Variants in RINT1 observed in about 807,000 individuals in gnomAD.
The protein encoded by RINT1 is RAD50-interacting protein 1.
A neutral mutation model predicts 97.7 loss-of-function variants in RINT1; 75 were observed. That is an observed-to-expected ratio of 0.77 (90% CI 0.64 to 0.93). RINT1 has a LOEUF of 0.93. RINT1 is among the 40% of genes least tolerant of loss of function. RINT1 has a pLI of 0.00. For missense variants in RINT1, 892 were observed against 925.2 expected (o/e 0.96, Z 0.47); for synonymous variants, 303 against 326.3 (o/e 0.93, Z 0.77).
At chr7:105,551,478 A>G in intron 9 of RINT1, 92 bp from the exon 10 acceptor site, 1 of 1,128,408 alleles carries the variant, frequency 8.9e-7, no homozygotes, top group South Asian at 1.8e-5. Context: ...TCTTTTTTAT[A>G]GAAAAGCCAT....
chr7:105,564,403 A>G (rs1361457491), intron 12 of RINT1, among the ~76,000 whole-genome samples: 1 of 152,150 alleles, frequency 6.6e-6, no homozygotes, highest in African/African-American at 2.4e-5. Flanking sequence ...CTTAATCAGA[A>G]TAAACTGATT....
chr7:105,560,582 C>T (rs1299420500), intron 11 of RINT1, among the ~76,000 whole-genome samples: 1 of 152,068 alleles, frequency 6.6e-6, no homozygotes, highest in Non-Finnish European at 1.5e-5. Flanking sequence ...ATGGTTTGTT[C>T]GTTATCCATG....
chr7:105,540,734 A>G (rs997294797), intron 3 of RINT1, among the ~76,000 whole-genome samples: 3 of 151,362 alleles, frequency 2.0e-5, no homozygotes, highest in Admixed American at 1.3e-4. Flanking sequence ...CCTGGATATC[A>G]TCTCATCAAG....
intron 10 of RINT1, among the ~76,000 whole-genome samples, chr7:105,553,900 T>TA (rs1791053776): frequency 1.7e-5 from 2 of 114,336 alleles, no homozygotes; most frequent in Admixed American, 8.4e-5. Context: ...TTTTTTTTTT[T>TA]TTTTTTTTTT....
At chr7:105,550,912 G>A (rs535826875) in intron 9 of RINT1, among the ~76,000 whole-genome samples, 100 of 152,182 alleles carry the variant, frequency 6.6e-4, no homozygotes, top group African/African-American at 2.4e-3. Context: ...GCACTACCAC[G>A]CCTGGCTAAT....
chr7:105,562,889 C>T (rs1041255440), intron 11 of RINT1, among the ~76,000 whole-genome samples: 5 of 151,866 alleles, frequency 3.3e-5, no homozygotes, highest in African/African-American at 7.3e-5. Flanking sequence ...GGTGACAGAG[C>T]GAGATTCCGT....
intron 3 of RINT1, among the ~76,000 whole-genome samples, chr7:105,537,786 A>T (rs1790306240): frequency 6.6e-6 from 1 of 151,806 alleles, no homozygotes; most frequent in Non-Finnish European, 1.5e-5. Flanking sequence ...CTGTGAGCTG[A>T]GATCATGCCA....
At chr7:105,562,577 C>T (rs549670122) in intron 11 of RINT1, among the ~76,000 whole-genome samples, 4 of 152,214 alleles carry the variant, frequency 2.6e-5, no homozygotes, top group Admixed American at 1.3e-4. Flanking sequence ...TCAGTACATA[C>T]CAAGAGAAAT....
chr7:105,567,615 G>A lies in RINT1; in HGVS notation c.*304G>A. On this transcript the variant is annotated 3_prime_UTR_variant, in exon 15 of 15. Coordinates refer to ENST00000257700, the MANE Select transcript of RINT1 (RefSeq NM_021930.6). Reference sequence around the variant, plus strand: ...TTATAACCAACTTTCAATTTCCTGTGCTAATTAAGGGAAATTCTGTTGTGG... The same window carrying A: ...TTATAACCAACTTTCAATTTCCTGTACTAATTAAGGGAAATTCTGTTGTGG... 1.8e-6 allele frequency: 1 copy of A among 556,710 alleles called. No homozygotes were observed. The highest frequency in any genetic ancestry group is 1.9e-5 in the African/African-American group (1 of 52,680). The allele number at this position is 556,710 out of a possible 1,614,324, so 34.5% of individuals were successfully genotyped here. A position where few individuals can be genotyped will look rare whatever the true frequency, so the allele number is the denominator to read the frequency against.
rs775704898 is a variant in RINT1, at chr7:105,555,149, C to T, written c.1593C>T (p.Ser531=). 1.2e-6 allele frequency: 2 copies of T among 1,613,890 alleles called. No homozygotes were observed. The highest frequency in any genetic ancestry group is 2.2e-5 in the East Asian group (1 of 44,860). ...TQVMKEETRA[S]LGFRYCAILN... ...TGATGAAAGAAGAGACTAGAGCTTC[C>T]CTTGGCTTTCGATACTGTGCAATTC... is the stretch of plus-strand genomic sequence containing the variant. The change falls in exon 11 of 15, where the codon TCC becomes TCT. Residue 531 remains serine, a synonymous_variant. Transcript: ENST00000257700.
chr7:105,552,446 A>G (rs1455221779), intron 10 of RINT1, among the ~76,000 whole-genome samples: 1 of 152,030 alleles, frequency 6.6e-6, no homozygotes, highest in Non-Finnish European at 1.5e-5. Flanking sequence ...CAGTGCAGGG[A>G]TTCTCTGGCT....
intron 2 of RINT1, among the ~76,000 whole-genome samples, chr7:105,535,277 T>G (rs1358362829): frequency 1.3e-5 from 2 of 149,924 alleles, no homozygotes; most frequent in Non-Finnish European, 3.0e-5. Context: ...TTGCCCAGGC[T>G]GGAGTGCAGT....
intron 3 of RINT1, among the ~76,000 whole-genome samples, chr7:105,537,477 A>T (rs147599199): frequency 6.6e-6 from 1 of 152,190 alleles, no homozygotes; most frequent in Non-Finnish European, 1.5e-5. Context: ...GTATAAAGTG[A>T]AAAGAAGTAT....
chr7:105,565,134 G>C (rs986037550), intron 12 of RINT1, 143 bp from the exon 13 acceptor site: 1 of 575,120 alleles, frequency 1.7e-6, no homozygotes, highest in Non-Finnish European at 2.9e-6. Flanking sequence ...TTTATTTTCT[G>C]ATAGAGCTTT....
chr7:105,551,164 G>C (rs1381481331), intron 9 of RINT1, among the ~76,000 whole-genome samples: 1 of 152,100 alleles, frequency 6.6e-6, no homozygotes, highest in Non-Finnish European at 1.5e-5. Context: ...CAGTAGCTGG[G>C]AGTATAGGTA....
chr7:105,546,461 TAAAAA>T (rs1790669790), intron 4 of RINT1, among the ~76,000 whole-genome samples: 1 of 152,130 alleles, frequency 6.6e-6, no homozygotes, highest in Admixed American at 6.6e-5. Context: ...GGTGCTTTGT[TAAAAA>T]ACAAAGGCTA....
chr7:105,534,232 C>A (rs141402049), intron 2 of RINT1, among the ~76,000 whole-genome samples: 14 of 152,212 alleles, frequency 9.2e-5, no homozygotes, highest in African/African-American at 3.1e-4. Context: ...AAACACCCGG[C>A]TAATTTTTGT....
At chr7:105,560,241 C>CCAT (rs1791380437) in intron 11 of RINT1, among the ~76,000 whole-genome samples, 1 of 152,126 alleles carries the variant, frequency 6.6e-6, no homozygotes, top group African/African-American at 2.4e-5. Context: ...TCTCATATGT[C>CCAT]CATCTCTGAA....
intron 2 of RINT1, 139 bp from the exon 3 acceptor site, chr7:105,536,426 T>C: frequency 1.9e-6 from 1 of 521,984 alleles, no homozygotes; most frequent in Non-Finnish European, 3.3e-6. Context: ...CCCAAAGTGC[T>C]GGGATCACAG....
Sources: gnomAD v4.1 joint callset for allele counts (sites outside exome capture counted in the v4.1 genomes callset) on GRCh38, gnomAD v4.1.1 for gene constraint, MANE v1.5 for transcripts, NCBI Gene and HGNC (gene_info 2026-07-23, HGNC 2026-07-21) for gene names.